ELMO1: variants seen among roughly 807,000 people sequenced by gnomAD.
ELMO1 encodes the protein engulfment and cell motility protein 1.
Under a neutral mutation model 98.9 loss-of-function variants are expected in ELMO1, and 26 were observed. The observed-to-expected ratio is 0.26, with a 90% confidence interval of 0.19 to 0.36. The LOEUF (loss-of-function observed/expected upper bound fraction) is 0.36. Ranked by LOEUF, ELMO1 falls within the 10% of genes least tolerant of loss-of-function variation. The pLI, the probability that ELMO1 is intolerant of heterozygous loss-of-function variation, is 1.00. For synonymous variants in ELMO1, 346 were observed against 346.0 expected (o/e 1.00, Z 0.00); for missense variants, 627 against 935.2 (o/e 0.67, Z 4.30).
At chr7:37,425,715 T>A (rs1804669639) in intron 1 of ELMO1, among the ~76,000 whole-genome samples, 1 of 152,242 alleles carries the variant, frequency 6.6e-6, no homozygotes, top group Non-Finnish European at 1.5e-5. Flanking sequence ...CACAGAGTAT[T>A]GGTTCTGCAA....
At chr7:37,126,294 A>T (rs899563353) in intron 14 of ELMO1, among the ~76,000 whole-genome samples, 1 of 104,470 alleles carries the variant, frequency 9.6e-6, no homozygotes, top group Non-Finnish European at 1.9e-5. Context: ...CTTAAAGTAT[A>T]ATTTAAATAT....
chr7:37,317,214 C>T (rs1246281498), intron 2 of ELMO1, among the ~76,000 whole-genome samples: 1 of 152,170 alleles, frequency 6.6e-6, no homozygotes, highest in African/African-American at 2.4e-5. Context: ...TTGTATAGTC[C>T]TCTCCAAGGG....
intron 15 of ELMO1, among the ~76,000 whole-genome samples, chr7:37,065,258 C>T (rs1223118433): frequency 2.6e-5 from 4 of 151,744 alleles, no homozygotes; most frequent in African/African-American, 7.3e-5. Flanking sequence ...AAGGGATCCT[C>T]GCACCTCAGC....
At chr7:37,039,068 T>C (rs1416403262) in intron 15 of ELMO1, among the ~76,000 whole-genome samples, 1 of 152,190 alleles carries the variant, frequency 6.6e-6, no homozygotes, top group African/African-American at 2.4e-5. Flanking sequence ...AGATTCATGC[T>C]TTTTCTTGAA....
intron 16 of ELMO1, among the ~76,000 whole-genome samples, chr7:36,907,587 T>C (rs188619648): frequency 1.3e-5 from 2 of 152,122 alleles, no homozygotes; most frequent in Non-Finnish European, 2.9e-5. Flanking sequence ...CTCCACTCCA[T>C]CCCTCTTCCT....
chr7:37,158,192 C>T (rs537966836), intron 13 of ELMO1, among the ~76,000 whole-genome samples: 1 of 152,176 alleles, frequency 6.6e-6, no homozygotes, highest in Non-Finnish European at 1.5e-5. Flanking sequence ...AGACCTAACA[C>T]CATACAAACC....
At chr7:37,145,171 TAATA>T (rs1787902417) in intron 13 of ELMO1, among the ~76,000 whole-genome samples, 3 of 152,166 alleles carry the variant, frequency 2.0e-5, no homozygotes, top group Non-Finnish European at 4.4e-5. Flanking sequence ...TCTGCATCTC[TAATA>T]AATCCCCAGG....
intron 1 of ELMO1, among the ~76,000 whole-genome samples, chr7:37,436,982 AT>A (rs1805177544): frequency 6.6e-6 from 1 of 152,204 alleles, no homozygotes. Context: ...AAATTTAACA[AT>A]TTACAACCAC....
intron 15 of ELMO1, among the ~76,000 whole-genome samples, chr7:37,029,065 G>C (rs377196677): frequency 6.6e-6 from 1 of 152,060 alleles, no homozygotes; most frequent in Non-Finnish European, 1.5e-5. Context: ...TAAGTGACTT[G>C]CCCGAGTCAC....
At chr7:37,072,351 C>G (rs148861891) in intron 15 of ELMO1, among the ~76,000 whole-genome samples, 1 of 152,106 alleles carries the variant, frequency 6.6e-6, no homozygotes, top group East Asian at 1.9e-4. Context: ...CTCATAAGAT[C>G]GGCTGGTTTT....
intron 1 of ELMO1, among the ~76,000 whole-genome samples, chr7:37,435,382 C>T (rs369832463): frequency 2.1e-4 from 32 of 152,292 alleles, no homozygotes; most frequent in Middle Eastern, 6.8e-3. Context: ...GGTTTCCACC[C>T]CCTGCATACG....
At chr7:36,980,416 TAG>T (rs1471408141) in intron 16 of ELMO1, among the ~76,000 whole-genome samples, 1 of 152,194 alleles carries the variant, frequency 6.6e-6, no homozygotes, top group Non-Finnish European at 1.5e-5. Context: ...GACAGACGGA[TAG>T]ATAGTTCAGA....
chr7:37,346,488 T>G (rs961448293), intron 1 of ELMO1, among the ~76,000 whole-genome samples: 1 of 152,242 alleles, frequency 6.6e-6, no homozygotes, highest in African/African-American at 2.4e-5. Context: ...GTCTTCTTTG[T>G]GCAAATGCAA....
intron 16 of ELMO1, among the ~76,000 whole-genome samples, chr7:36,929,048 A>G (rs1251593533): frequency 2.6e-5 from 4 of 152,230 alleles, no homozygotes; most frequent in Non-Finnish European, 5.9e-5. Context: ...AAGAAAGGGC[A>G]GTTGAGAGAG....
chr7:37,381,326 A>G (rs1302395874), intron 1 of ELMO1, among the ~76,000 whole-genome samples: 1 of 152,238 alleles, frequency 6.6e-6, no homozygotes, highest in Non-Finnish European at 1.5e-5. Flanking sequence ...TTCTCAGAGT[A>G]CCATTTCTCT....
chr7:36,857,363 T>C (rs1454010658), intron 21 of ELMO1, among the ~76,000 whole-genome samples: 1 of 151,888 alleles, frequency 6.6e-6, no homozygotes, highest in East Asian at 1.9e-4. Flanking sequence ...TGAGGAGACT[T>C]TGCTTCCTAG....
At chr7:37,359,567 G>T (rs755458959) in intron 1 of ELMO1, among the ~76,000 whole-genome samples, 1 of 152,170 alleles carries the variant, frequency 6.6e-6, no homozygotes, top group Non-Finnish European at 1.5e-5. Context: ...TGACAAAGGC[G>T]CTATCATAAT....
intron 1 of ELMO1, among the ~76,000 whole-genome samples, chr7:37,406,072 G>A (rs578175679): frequency 6.6e-6 from 1 of 152,282 alleles, no homozygotes; most frequent in South Asian, 2.1e-4. Context: ...AAGCCGTTAA[G>A]CAGACCTCAT....
intron 15 of ELMO1, among the ~76,000 whole-genome samples, chr7:37,026,651 C>T (rs569711823): frequency 2.6e-5 from 4 of 152,230 alleles, no homozygotes; most frequent in Admixed American, 2.6e-4. Flanking sequence ...AACAAACCAC[C>T]CCTGATTGCA....
Sources: gnomAD v4.1 joint callset for allele counts (sites outside exome capture counted in the v4.1 genomes callset) on GRCh38, gnomAD v4.1.1 for gene constraint, MANE v1.5 for transcripts, NCBI Gene and HGNC (gene_info 2026-07-23, HGNC 2026-07-21) for gene names.